The following GABBR2 variants were observed in gnomAD, a reference collection of about 807,000 sequenced individuals.
GABBR2 encodes gamma-aminobutyric acid type B receptor subunit 2, also known as G-protein coupled receptor 51.
GABBR2 carries 23 observed loss-of-function variants against 105.6 expected under a neutral mutation model. The observed-to-expected ratio is 0.22, with a 90% CI of 0.16 to 0.31. The LOEUF is 0.31. Among genes scored for constraint, GABBR2 ranks in the 10% least tolerant of loss-of-function variants. The pLI is 1.00. For synonymous variants in GABBR2, 478 were observed against 499.7 expected, an observed-to-expected ratio of 0.96 and a Z score of 0.58; for missense variants, 734 against 1,245.5, an observed-to-expected ratio of 0.59 and a Z score of 6.18.
chr9:98,324,317 T>C (rs1375370779), intron 13 of GABBR2, among the ~76,000 whole-genome samples: 1 of 152,174 alleles, frequency 6.6e-6, no homozygotes, highest in African/African-American at 2.4e-5. Context: ...CACACTGCAG[T>C]GCCCTGGTGT....
At chr9:98,367,313 A>AT (rs908293836) in intron 12 of GABBR2, among the ~76,000 whole-genome samples, 2 of 149,622 alleles carry the variant, frequency 1.3e-5, no homozygotes, top group Non-Finnish European at 3.0e-5. Context: ...AAAAAAAAAA[A>AT]AATAAGGGGG....
intron 3 of GABBR2, among the ~76,000 whole-genome samples, chr9:98,499,731 T>C (rs1386487198): frequency 6.6e-6 from 1 of 152,240 alleles, no homozygotes; most frequent in Admixed American, 6.5e-5. Flanking sequence ...CTAGGTTTCC[T>C]TCTGGAACTG....
intron 11 of GABBR2, among the ~76,000 whole-genome samples, chr9:98,373,839 T>A (rs77477696): frequency 0.02 from 3,021 of 149,354 alleles, 109 homozygotes; most frequent in African/African-American, 0.071. Flanking sequence ...CACTCCAGTG[T>A]GCAAAGCATT....
intron 7 of GABBR2, among the ~76,000 whole-genome samples, chr9:98,440,834 C>T (rs546172374): frequency 7.9e-5 from 12 of 152,304 alleles, no homozygotes; most frequent in South Asian, 2.1e-4. Flanking sequence ...GCCATCCTGT[C>T]GGCTAAAATT....
chr9:98,656,486 G>A (rs1417047233), intron 1 of GABBR2, among the ~76,000 whole-genome samples: 1 of 152,096 alleles, frequency 6.6e-6, no homozygotes, highest in Non-Finnish European at 1.5e-5. Context: ...AAGTGGGCAA[G>A]TACTTCAACA....
chr9:98,699,500 T>G (rs923652339), intron 1 of GABBR2, among the ~76,000 whole-genome samples: 2 of 152,178 alleles, frequency 1.3e-5, no homozygotes, highest in Admixed American at 1.3e-4. Context: ...ATTAATCCTC[T>G]TAGAACTGGA....
chr9:98,394,272 A>G lies in GABBR2; in HGVS notation c.1298-17T>C, dbSNP rs371078870. 2 of 1,594,948 alleles carry G rather than the reference A, an allele frequency of 1.3e-6. No individual in the cohort carries two copies. On this transcript the variant is annotated splice_polypyrimidine_tract_variant and intron_variant, in intron 8 of 18. Coordinates refer to ENST00000259455, the MANE Select transcript of GABBR2 (RefSeq NM_005458.8). Reference sequence around the variant, plus strand: ...CCCTGCTGTCTGTGGGGAGCAAAAGACAGTGGCCAGTTAGACTGGGATCTG... The same window carrying G: ...CCCTGCTGTCTGTGGGGAGCAAAAGGCAGTGGCCAGTTAGACTGGGATCTG...
rs1825923554 is a variant in GABBR2 at position 98,436,386 on chromosome 9, T to TAG, written c.1236+17594_1236+17595insCT. Among the ~76,000 whole-genome samples, 35 of 42,100 alleles carry TAG rather than the reference T, an allele frequency of 8.3e-4. 1 individual carries two copies. The highest frequency in any genetic ancestry group is 3.0e-3 in the African/African-American group (31 of 10,294). 27.6% of individuals were successfully genotyped at this position (42,100 alleles called of 152,430 possible). On this transcript the variant is annotated intron_variant, in intron 7 of 18. Transcript: ENST00000259455. ...ATATATATATATATATATATATATA[T>TAG]ATATATATATATATATATATAGTAT...
intron 1 of GABBR2, among the ~76,000 whole-genome samples, chr9:98,602,217 T>C (rs62561780): frequency 0.24 from 35,477 of 150,674 alleles, 4,395 homozygotes; most frequent in Non-Finnish European, 0.29. Context: ...CTCACGCTTG[T>C]AATCCCAGCA....
intron 2 of GABBR2, among the ~76,000 whole-genome samples, chr9:98,563,781 G>A (rs1178499476): frequency 2.0e-5 from 3 of 152,230 alleles, no homozygotes; most frequent in Admixed American, 6.5e-5. Context: ...CACTGTATAA[G>A]GCTCAATCTC....
At chr9:98,423,757 T>C (rs1185955291) in intron 7 of GABBR2, among the ~76,000 whole-genome samples, 1 of 152,094 alleles carries the variant, frequency 6.6e-6, no homozygotes. Context: ...TTTAAGTCTT[T>C]AATCCATCTT....
intron 1 of GABBR2, among the ~76,000 whole-genome samples, chr9:98,703,092 T>G (rs1239668229): frequency 6.6e-6 from 1 of 152,228 alleles, no homozygotes; most frequent in Middle Eastern, 3.2e-3. Flanking sequence ...CTTGAGACTT[T>G]CGCTGAAACA....
At chr9:98,470,025 T>C (rs1346724327) in intron 6 of GABBR2, among the ~76,000 whole-genome samples, 2 of 152,190 alleles carry the variant, frequency 1.3e-5, no homozygotes, top group Admixed American at 1.3e-4. Flanking sequence ...AGAAGTTGGC[T>C]TGTGGTCAGA....
chr9:98,516,999 T>G (rs1480833751), intron 3 of GABBR2, among the ~76,000 whole-genome samples: 3 of 152,226 alleles, frequency 2.0e-5, no homozygotes, highest in Non-Finnish European at 2.9e-5. Context: ...ACCCTTTTAG[T>G]GTGCTCCAGT....
chr9:98,507,709 A>T (rs993933867), intron 3 of GABBR2, among the ~76,000 whole-genome samples: 2 of 152,182 alleles, frequency 1.3e-5, no homozygotes, highest in African/African-American at 4.8e-5. Flanking sequence ...CCAGGCTAGC[A>T]GTGACTTATC....
intron 7 of GABBR2, among the ~76,000 whole-genome samples, chr9:98,408,956 G>A (rs1402555486): frequency 2.0e-5 from 3 of 152,140 alleles, no homozygotes; most frequent in Non-Finnish European, 2.9e-5. Context: ...TTTACTAGGG[G>A]AGCTGCTTTA....
intron 9 of GABBR2, 40 bp downstream of exon 9, chr9:98,394,134 AC>A (rs780934767): frequency 1.7e-5 from 24 of 1,421,046 alleles, no homozygotes; most frequent in African/African-American, 2.8e-5. Context: ...CTTGGGAGCA[AC>A]TGGGCAGGCC....
chr9:98,588,999 G>A (rs569190171), intron 1 of GABBR2, among the ~76,000 whole-genome samples: 7 of 152,210 alleles, frequency 4.6e-5, no homozygotes, highest in African/African-American at 7.2e-5. Flanking sequence ...GCAGTCTCAC[G>A]AGCTGACAGC....
chr9:98,344,867 A>AGTGTCC (rs1831277595), intron 13 of GABBR2, among the ~76,000 whole-genome samples: 1 of 152,106 alleles, frequency 6.6e-6, no homozygotes, highest in South Asian at 2.1e-4. Flanking sequence ...CGACTGGACA[A>AGTGTCC]ACTACTCTTT....
Sources: allele counts gnomAD v4.1 joint callset (sites outside exome capture counted in the v4.1 genomes callset), GRCh38; gene constraint gnomAD v4.1.1; transcripts MANE v1.5; gene names NCBI Gene and HGNC (gene_info 2026-07-23, HGNC 2026-07-21).